PCDHGA4: variants seen among roughly 807,000 people sequenced by gnomAD.
PCDHGA4 encodes the protein protocadherin gamma subfamily A, 4.
PCDHGA4 carries 38 observed loss-of-function variants against 54.6 expected under a neutral mutation model. That is an observed-to-expected ratio of 0.70 (90% CI 0.54 to 0.91). The LOEUF (loss-of-function observed/expected upper bound fraction) is 0.91. PCDHGA4 is among the 40% of genes least tolerant of loss of function. The probability of loss-of-function intolerance (pLI) is 0.00; values close to 1 mark genes in which losing one functional copy is unlikely to be tolerated. For synonymous variants in PCDHGA4, 511 were observed against 512.9 expected, an observed-to-expected ratio of 1.00 and a Z score of 0.05; for missense variants, 1,298 against 1,220.9, an observed-to-expected ratio of 1.06 and a Z score of -0.94.
At chr5:141,418,863 TAG>T (rs1165304037) in intron 1 of PCDHGA4, 1 of 1,613,990 alleles carries the variant, frequency 6.2e-7, no homozygotes, top group Non-Finnish European at 8.5e-7. Context: ...AAAGTAATTG[TAG>T]AAGTTGTAGA....
At chr5:141,473,808 C>G (rs1562041705) in intron 1 of PCDHGA4, among the ~76,000 whole-genome samples, 1 of 152,198 alleles carries the variant, frequency 6.6e-6, no homozygotes, top group Non-Finnish European at 1.5e-5. Flanking sequence ...TACTGAGGAG[C>G]AGCTGGACAA....
chr5:141,383,108 G>A, intron 1 of PCDHGA4: 2 of 1,614,020 alleles, frequency 1.2e-6, no homozygotes, highest in African/African-American at 2.7e-5. Flanking sequence ...ATCTCCAGAG[G>A]TAGGACGCAG....
In PCDHGA4 at chr5:141,476,352, T is replaced by C. The variant is rs2099389565; in HGVS notation, c.2515-18455T>C. The C allele has an allele frequency of 1.2e-6, 2 of 1,613,826 alleles. No individual in the cohort carries two copies. Among genetic ancestry groups the C allele is most frequent in the African/African-American group, 1.3e-5 (1 of 74,852 alleles). On this transcript the variant is annotated intron_variant, in intron 1 of 3. Transcript: ENST00000571252. The surrounding 1 kb of genome is among the most constrained non-coding windows in gnomAD (Gnocchi z 7.6). ...GGAGCTAGCCGAAGATTCTTTGAGG[T>C]GAACCGGGAGACCGGAGAGATGTTT...
intron 1 of PCDHGA4, chr5:141,409,471 A>T: frequency 6.2e-7 from 1 of 1,613,978 alleles, no homozygotes; most frequent in Non-Finnish European, 8.5e-7. Context: ...TCACCATCGT[A>T]GCCACTGACA....
intron 1 of PCDHGA4, chr5:141,384,566 A>G (rs1313512011): frequency 6.2e-7 from 1 of 1,614,244 alleles, no homozygotes; most frequent in African/African-American, 1.3e-5. Flanking sequence ...CTGGACCAGA[A>G]TGACAACCCG....
rs150249178 is a variant in PCDHGA4 at position 141,432,742 on chromosome 5, C to A, written c.2515-62065C>A. 154 of 1,614,076 alleles carry A rather than the reference C, an allele frequency of 9.5e-5. No individual in the cohort carries two copies. In the Middle Eastern group the frequency reaches 1.3e-3, roughly 14 times the overall value. On this transcript the variant is annotated intron_variant, in intron 1 of 3. Transcript: ENST00000571252. This position sits in a 1 kb window ranked among gnomAD's most constrained non-coding sequence, Gnocchi z 6.0. ...CTCTCTCCGCCACTGTCACGCTCAC[C>A]GTGGCCGTGGCCGACAGCATCCCCC... is the stretch of plus-strand genomic sequence containing the variant.
At position 141,432,207 on chromosome 5, in the gene PCDHGA4, A is replaced by G. The variant is rs1181424938; in HGVS notation, c.2515-62600A>G. 3 of 1,614,176 alleles carry G rather than the reference A, an allele frequency of 1.9e-6. No homozygotes were observed. The highest frequency in any genetic ancestry group is 2.5e-6 in the Non-Finnish European group (3 of 1,180,026). ...ACCGCCCACGACCCCGACTGTGAAG[A>G]GAACGCCCAGATCACTTATTCCCTG... On this transcript the variant is annotated intron_variant, in intron 1 of 3. Transcript: ENST00000571252. The surrounding 1 kb of genome is among the most constrained non-coding windows in gnomAD (Gnocchi z 6.0).
chr5:141,418,151 G>A (rs1276817622), intron 1 of PCDHGA4: 4 of 1,613,990 alleles, frequency 2.5e-6, no homozygotes, highest in East Asian at 4.5e-5. Context: ...AATATGCAAA[G>A]AGAGAAGAAG....
At position 141,386,477 on chromosome 5, in the gene PCDHGA4, G is replaced by A. The variant is rs78371655; in HGVS notation, c.2514+28856G>A. ...GACAGCTTGAACCCAAGAATTGGAG[G>A]CCCACCTAGATAATATAACAAGACT... is the stretch of plus-strand genomic sequence containing the variant. On this transcript the variant is annotated intron_variant, in intron 1 of 3. Coordinates refer to ENST00000571252, the MANE Select transcript of PCDHGA4 (RefSeq NM_018917.4). Among the ~76,000 whole-genome samples the A allele has an allele frequency of 2.5e-3, 384 of 151,668 alleles. 1 individual carries two copies. Among genetic ancestry groups the A allele is most frequent in the African/African-American group, 8.8e-3 (362 of 41,292 alleles).
intron 1 of PCDHGA4, chr5:141,374,063 G>T: frequency 6.7e-7 from 1 of 1,496,072 alleles, no homozygotes; most frequent in Non-Finnish European, 8.9e-7. Flanking sequence ...TAATCCCAGA[G>T]AAGTTCCTAA....
intron 1 of PCDHGA4, chr5:141,364,366 G>C: frequency 6.4e-7 from 1 of 1,563,758 alleles, no homozygotes; most frequent in Non-Finnish European, 8.6e-7. Flanking sequence ...GCTGCGGAGA[G>C]CTGCTGCTGC....
chr5:141,371,968 T>C (rs768442022), intron 1 of PCDHGA4: 3 of 1,613,154 alleles, frequency 1.9e-6, no homozygotes, highest in Admixed American at 1.7e-5. Context: ...CACGAGCAGC[T>C]GCGTGCCTTC....
chr5:141,426,806 T>C (rs1390972821), intron 1 of PCDHGA4: 1 of 456,600 alleles, frequency 2.2e-6, no homozygotes, highest in Non-Finnish European at 4.4e-6. Context: ...TCAGTTCTAA[T>C]GAACATTTCT....
intron 1 of PCDHGA4, chr5:141,414,124 G>T (rs1214312992): frequency 6.3e-7 from 1 of 1,592,872 alleles, no homozygotes; most frequent in East Asian, 2.3e-5. Flanking sequence ...TGAAGAAACC[G>T]GTTTCTATGA....
rs140088812 is a variant in PCDHGA4, at chr5:141,489,695, T to C, written c.2515-5112T>C. The C allele has an allele frequency of 6.2e-7, 1 of 1,614,088 alleles. No homozygotes were observed. The highest frequency in any genetic ancestry group is 1.3e-5 in the African/African-American group (1 of 75,026). On this transcript the variant is annotated intron_variant, in intron 1 of 3. Transcript: ENST00000571252. This position sits in a 1 kb window ranked among gnomAD's most constrained non-coding sequence, Gnocchi z 4.5. ...GAATCAGCAGCATCTGGGGCACGAT[T>C]CCCACTGGACAGTGCCCAGGATCCG...
chr5:141,484,512 G>A (rs1178383152), intron 1 of PCDHGA4, among the ~76,000 whole-genome samples: 47 of 152,196 alleles, frequency 3.1e-4, no homozygotes, highest in Non-Finnish European at 4.0e-4. Context: ...TTCTGCAGAA[G>A]GGCAGAGTTT....
At chr5:141,411,890 G>T (rs2095521758) in intron 1 of PCDHGA4, 1 of 152,148 alleles carries the variant, frequency 6.6e-6, no homozygotes, top group South Asian at 2.1e-4. Context: ...AGAAATAAAT[G>T]AAATACTATT....
intron 1 of PCDHGA4, chr5:141,362,061 G>A (rs1318131072): frequency 6.2e-7 from 1 of 1,612,208 alleles, no homozygotes; most frequent in South Asian, 1.1e-5. Flanking sequence ...GCCAGCGCCT[G>A]CTGGTCGCTG....
intron 1 of PCDHGA4, among the ~76,000 whole-genome samples, chr5:141,469,492 T>C (rs1233507221): frequency 6.6e-6 from 1 of 152,038 alleles, no homozygotes; most frequent in Non-Finnish European, 1.5e-5. Flanking sequence ...GGAGAATCGC[T>C]TGAACCCGGG....
Sources: gnomAD v4.1 joint callset for allele counts (sites outside exome capture counted in the v4.1 genomes callset) on GRCh38, gnomAD v4.1.1 for gene constraint, Gnocchi (gnomAD v3.1) non-coding constraint, MANE v1.5 for transcripts, NCBI Gene and HGNC (gene_info 2026-07-23, HGNC 2026-07-21) for gene names.